PPARA: variants seen among roughly 807,000 people sequenced by gnomAD.
PPARA encodes the protein peroxisome proliferator-activated receptor alpha.
Under a neutral mutation model 42.2 loss-of-function variants are expected in PPARA, and 22 were observed. The ratio of observed to expected loss-of-function variants is 0.52; its 90% CI spans 0.37 to 0.74. PPARA has a LOEUF of 0.74. Ranked by LOEUF, PPARA falls within the 30% of genes least tolerant of loss-of-function variation. The pLI is 0.00. For synonymous variants in PPARA, 242 were observed against 239.3 expected (o/e 1.01, Z -0.10); for missense variants, 465 against 608.2 (o/e 0.76, Z 2.48).
At chr22:46,218,426 T>G (rs772047921) in intron 6 of PPARA, 25 bp downstream of exon 6, 1 of 1,614,026 alleles carries the variant, frequency 6.2e-7, no homozygotes, top group South Asian at 1.1e-5. Context: ...CCTGCACATT[T>G]TCCCAGTTCG....
At chr22:46,194,467 A>T (rs1166893339) in intron 3 of PPARA, among the ~76,000 whole-genome samples, 1 of 152,152 alleles carries the variant, frequency 6.6e-6, no homozygotes, top group Non-Finnish European at 1.5e-5. Flanking sequence ...GGCATAGGCC[A>T]CATGCATTTT....
intron 7 of PPARA, among the ~76,000 whole-genome samples, chr22:46,220,989 T>C (rs2147605610): frequency 6.6e-6 from 1 of 152,164 alleles, no homozygotes; most frequent in Non-Finnish European, 1.5e-5. Context: ...TGAGGTGTAT[T>C]AGTCTGCTAT....
chr22:46,211,988 G>T lies in PPARA; in HGVS notation c.209-3185G>T, dbSNP rs1032097477. Among the ~76,000 whole-genome samples, 1 of 149,066 alleles carries T rather than the reference G, an allele frequency of 6.7e-6. No individual in the cohort carries two copies. The highest frequency in any genetic ancestry group is 1.5e-5 in the Non-Finnish European group (1 of 67,282). Reference sequence around the variant, plus strand: ...ATTACAGGCGTGAGCCACCACACCCGGTCTCTCTCCTTCCTTTCCTTTCCT... The same window carrying T: ...ATTACAGGCGTGAGCCACCACACCCTGTCTCTCTCCTTCCTTTCCTTTCCT... On this transcript the variant is annotated intron_variant, in intron 4 of 8. Coordinates refer to ENST00000407236, the MANE Select transcript of PPARA (RefSeq NM_005036.6). This position sits in a 1 kb window ranked among gnomAD's most constrained non-coding sequence, Gnocchi z 4.1.
rs562598220 is a variant in PPARA at position 46,163,494 on chromosome 22, T to C, written c.-127+11524T>C. The C allele has an allele frequency of 6.6e-6, 1 of 152,352 alleles. No individual in the cohort carries two copies. The highest frequency in any genetic ancestry group is 2.4e-5 in the African/African-American group (1 of 41,580). 9.4% of individuals were successfully genotyped at this position (152,352 alleles called of 1,614,324 possible). ...AGCAAATGAGCCCTCATGCTCACGA[T>C]TTCACCACAGTCACATAAGCGGGAA... is the stretch of plus-strand genomic sequence containing the variant. On this transcript the variant is annotated intron_variant, in intron 2 of 8. Transcript: ENST00000407236. The surrounding 1 kb of genome is among the most constrained non-coding windows in gnomAD (Gnocchi z 4.9).
rs768819341 is a variant in PPARA at position 46,196,739 on chromosome 22, T to C, written c.-42-1603T>C. 6.6e-6 allele frequency among the ~76,000 whole-genome samples: 1 copy of C among 152,232 alleles called. No individual in the cohort carries two copies. On this transcript the variant is annotated intron_variant, in intron 3 of 8. Coordinates refer to ENST00000407236, the MANE Select transcript of PPARA (RefSeq NM_005036.6). The surrounding 1 kb of genome is among the most constrained non-coding windows in gnomAD (Gnocchi z 5.6). ...TTTGTTAGTTGTTGTTGTTGCTGTT[T>C]TGAGGTGGAGTCTTGCTTTGTCGCC...
At chr22:46,174,858 C>A (rs1479518307) in intron 2 of PPARA, among the ~76,000 whole-genome samples, 1 of 151,948 alleles carries the variant, frequency 6.6e-6, no homozygotes, top group Admixed American at 6.6e-5. Context: ...ATTTTCCTCC[C>A]TTTTAGTACT....
intron 3 of PPARA, among the ~76,000 whole-genome samples, chr22:46,177,086 C>G (rs1234196462): frequency 2.0e-5 from 3 of 152,134 alleles, no homozygotes; most frequent in African/African-American, 4.8e-5. Context: ...TGGCAGGCGC[C>G]TGTAGTCCCA....
rs1206995052 is a variant in PPARA, at chr22:46,219,581, T to G, written c.509-231T>G. Among the ~76,000 whole-genome samples, 2 of 152,262 alleles carry G rather than the reference T, an allele frequency of 1.3e-5. No homozygotes were observed. Among genetic ancestry groups the G allele is most frequent in the African/African-American group, 4.8e-5 (2 of 41,544 alleles). Reference sequence around the variant, plus strand: ...GATGGTGTCACCTTCAGCCTGCACCTGTTAACGATGGTGTCACCTTCAGCC... The same window carrying G: ...GATGGTGTCACCTTCAGCCTGCACCGGTTAACGATGGTGTCACCTTCAGCC... On this transcript the variant is annotated intron_variant, in intron 6 of 8. Coordinates refer to ENST00000407236, the MANE Select transcript of PPARA (RefSeq NM_005036.6). The surrounding 1 kb of genome is among the most constrained non-coding windows in gnomAD (Gnocchi z 4.8).
rs763441592 is a variant in PPARA, at chr22:46,235,359, G to C, written c.1386G>C (p.Glu462Asp). ...SDAALHPLLQ[E>D]IYRDMY ...CTGCGCTGCACCCGCTACTGCAGGA[G>C]ATCTACAGGGACATGTACTGAGTTC... Residue 462 changes from glutamate to aspartate, a missense_variant, in exon 9 of 9, where the codon GAG becomes GAC. Transcript: ENST00000407236. The surrounding 1 kb of genome is among the most constrained non-coding windows in gnomAD (Gnocchi z 7.0). 1.2e-6 allele frequency: 2 copies of C among 1,613,906 alleles called. No homozygotes were observed. Among genetic ancestry groups the C allele is most frequent in the Non-Finnish European group, 1.7e-6 (2 of 1,179,932 alleles).
chr22:46,177,696 C>T (rs1245574398), intron 3 of PPARA, among the ~76,000 whole-genome samples: 6 of 151,908 alleles, frequency 3.9e-5, no homozygotes, highest in East Asian at 1.9e-4. Flanking sequence ...GGCATGTACC[C>T]GATGAGACAG....
At position 46,203,677 on chromosome 22, in the gene PPARA, A is replaced by G. The variant is rs1932970182; in HGVS notation, c.208+5086A>G. 6.6e-6 allele frequency among the ~76,000 whole-genome samples: 1 copy of G among 152,252 alleles called. No homozygotes were observed. Among genetic ancestry groups the G allele is most frequent in the Admixed American group, 6.5e-5 (1 of 15,286 alleles). On this transcript the variant is annotated intron_variant, in intron 4 of 8. Transcript: ENST00000407236. The surrounding 1 kb of genome is among the most constrained non-coding windows in gnomAD (Gnocchi z 5.8). The stretch of plus-strand genomic sequence containing the variant: ...AGCAAAGCTAGAGGGGATCCTGCCA[A>G]TGAGTTCCCAGCTCACAGACTGATT...
intron 4 of PPARA, 122 bp downstream of exon 4, chr22:46,198,713 T>G (rs1261092207): frequency 2.0e-6 from 2 of 1,015,358 alleles, no homozygotes; most frequent in Non-Finnish European, 2.8e-6. Context: ...CAGGCTGGAG[T>G]GCAATGGCTC....
chr22:46,158,689 G>C (rs1446532680), intron 2 of PPARA, among the ~76,000 whole-genome samples: 1 of 152,168 alleles, frequency 6.6e-6, no homozygotes, highest in Non-Finnish European at 1.5e-5. Flanking sequence ...AATGGTAATA[G>C]GGATATTTAA....
chr22:46,228,462 G>C (rs1160536542), intron 7 of PPARA, among the ~76,000 whole-genome samples: 3 of 152,112 alleles, frequency 2.0e-5, no homozygotes, highest in Non-Finnish European at 4.4e-5. Flanking sequence ...CTCAAACCTG[G>C]GAGGTGGAGG....
rs1186752019 is a variant in PPARA at position 46,184,639 on chromosome 22, G to C, written c.-43+7803G>C. On this transcript the variant is annotated intron_variant, in intron 3 of 8. Transcript: ENST00000407236. The surrounding 1 kb of genome is among the most constrained non-coding windows in gnomAD (Gnocchi z 4.4). ...GCAATTTGGGAGGCCGAGATTACCT[G>C]AGGTCGGAAGTTCAAGACCAGCCTG... is the stretch of plus-strand genomic sequence containing the variant. 1.3e-5 allele frequency among the ~76,000 whole-genome samples: 2 copies of C among 152,194 alleles called. No homozygotes were observed. The highest frequency in any genetic ancestry group is 2.9e-5 in the Non-Finnish European group (2 of 68,032).
chr22:46,235,193 T>A lies in PPARA; in HGVS notation c.1220T>A (p.Val407Glu). 1 of 1,614,082 alleles carries A rather than the reference T, an allele frequency of 6.2e-7. No homozygotes were observed. The highest frequency in any genetic ancestry group is 1.1e-5 in the South Asian group (1 of 91,076). Reference protein sequence around the residue: ...IEKMQEGIVHVLRLHLQSNHP... With the variant: ...IEKMQEGIVHELRLHLQSNHP... ...AAAATGCAGGAGGGTATTGTACATGTGCTCAGACTCCACCTGCAGAGCAAC... is the reference window on the plus strand; with the variant it reads ...AAAATGCAGGAGGGTATTGTACATGAGCTCAGACTCCACCTGCAGAGCAAC... The change falls in exon 9 of 9, where the codon GTG (valine) becomes GAG (glutamate). Residue 407 changes from valine (V) to glutamate (E), a missense_variant. Transcript: ENST00000407236. The surrounding 1 kb of genome is among the most constrained non-coding windows in gnomAD (Gnocchi z 7.0).
chr22:46,219,702 C>T lies in PPARA; in HGVS notation c.509-110C>T, dbSNP rs528139574. The T allele has an allele frequency of 9.2e-7, 1 of 1,081,724 alleles. No individual in the cohort carries two copies. The highest frequency in any genetic ancestry group is 1.8e-5 in the Admixed American group (1 of 55,682). 67.0% of individuals were successfully genotyped at this position (1,081,724 alleles called of 1,614,324 possible). On this transcript the variant is annotated intron_variant, in intron 6 of 8. Coordinates refer to ENST00000407236, the MANE Select transcript of PPARA (RefSeq NM_005036.6). This position sits in a 1 kb window ranked among gnomAD's most constrained non-coding sequence, Gnocchi z 4.8. The stretch of plus-strand genomic sequence containing the variant: ...GTAATGAAGGATGGGTCTGAACTGC[C>T]TGTGAATTTTCATTCCTGGTTTAAA...
rs922371553 is a variant in PPARA at position 46,242,399 on chromosome 22, T to C, written c.*7019T>C. 1.3e-5 allele frequency: 2 copies of C among 152,656 alleles called. No individual in the cohort carries two copies. Among genetic ancestry groups the C allele is most frequent in the African/African-American group, 4.8e-5 (2 of 41,456 alleles). The allele number at this position is 152,656 out of a possible 1,614,324, so 9.5% of individuals were successfully genotyped here. A position where few individuals can be genotyped will look rare whatever the true frequency, so the allele number is the denominator to read the frequency against. ...TTTTTTAAGGCACAGTCAGTTCCTT[T>C]TCTCATGTACCTCACAAAAGATGAA... On this transcript the variant is annotated 3_prime_UTR_variant, in exon 9 of 9. Transcript: ENST00000407236. The surrounding 1 kb of genome is among the most constrained non-coding windows in gnomAD (Gnocchi z 6.1).
In PPARA at chr22:46,211,234, C is replaced by T. The variant is rs1416568708; in HGVS notation, c.209-3939C>T. ...CATGAGTGTGTGCTGATGTCTCCAG[C>T]CCTCATCTGTTACCAGATGGATCGT... is the stretch of plus-strand genomic sequence containing the variant. On this transcript the variant is annotated intron_variant, in intron 4 of 8. Coordinates refer to ENST00000407236, the MANE Select transcript of PPARA (RefSeq NM_005036.6). The surrounding 1 kb of genome is among the most constrained non-coding windows in gnomAD (Gnocchi z 4.1). Among the ~76,000 whole-genome samples, 1 of 152,198 alleles carries T rather than the reference C, an allele frequency of 6.6e-6. No individual in the cohort carries two copies.
Sources: allele counts gnomAD v4.1 joint callset (sites outside exome capture counted in the v4.1 genomes callset), GRCh38; gene constraint gnomAD v4.1.1; non-coding constraint Gnocchi (gnomAD v3.1); transcripts MANE v1.5; gene names NCBI Gene and HGNC (gene_info 2026-07-23, HGNC 2026-07-21).